Variants in PCDHGA4 observed in about 807,000 individuals in gnomAD.
The protein encoded by PCDHGA4 is protocadherin gamma subfamily A, 4, also known as protocadherin gamma-A4.
Under a neutral mutation model 54.6 loss-of-function variants are expected in PCDHGA4, and 38 were observed. The ratio of observed to expected loss-of-function variants is 0.70; its 90% CI spans 0.54 to 0.91. The LOEUF (loss-of-function observed/expected upper bound fraction) is 0.91, where lower values mean the gene tolerates loss of function less well. Ranked by LOEUF, PCDHGA4 falls within the 40% of genes least tolerant of loss-of-function variation. The probability of loss-of-function intolerance (pLI) is 0.00; values close to 1 mark genes in which losing one functional copy is unlikely to be tolerated. For missense variants in PCDHGA4, 1,298 were observed against 1,220.9 expected (o/e 1.06, Z -0.94); for synonymous variants, 511 against 512.9 (o/e 1.00, Z 0.05).
In PCDHGA4 at chr5:141,418,814, A is replaced by G. The variant is rs2096290321; in HGVS notation, c.2514+61193A>G. ...AGAAGTAGAAAGATATACGATAAACATAGAAGCAAAAGACCGAGGATCTCT... is the reference window on the plus strand; with the variant it reads ...AGAAGTAGAAAGATATACGATAAACGTAGAAGCAAAAGACCGAGGATCTCT... On this transcript the variant is annotated intron_variant, in intron 1 of 3. Transcript: ENST00000571252. The G allele has an allele frequency of 6.2e-7, 1 of 1,613,962 alleles. No individual in the cohort carries two copies.
intron 1 of PCDHGA4, chr5:141,396,409 A>C (rs2093377043): frequency 6.6e-6 from 1 of 152,270 alleles, no homozygotes; most frequent in Non-Finnish European, 1.5e-5. Context: ...ACCTGAGGTC[A>C]GGAGTTCAAG....
intron 1 of PCDHGA4, among the ~76,000 whole-genome samples, chr5:141,456,187 A>G (rs989106132): frequency 3.9e-5 from 6 of 152,084 alleles, no homozygotes; most frequent in African/African-American, 1.4e-4. Flanking sequence ...TAATTTCTTA[A>G]TAACTCCTAC....
chr5:141,362,075 G>T (rs533999436), intron 1 of PCDHGA4: 1 of 1,612,962 alleles, frequency 6.2e-7, no homozygotes, highest in Non-Finnish European at 8.5e-7. Flanking sequence ...GTCGCTGTGC[G>T]TGATGGAGGA....
At position 141,413,207 on chromosome 5, in the gene PCDHGA4, C is replaced by T. The variant is rs563279284; in HGVS notation, c.2514+55586C>T. The T allele has an allele frequency of 4.7e-5, 76 of 1,612,874 alleles. 2 individuals carry two copies. The South Asian group carries it at 7.6e-4, about 16-fold the overall frequency. ...GCTCAAAGGAATCGCTCAAAGGAAT[C>T]AAAGGATTGCAGCGGGCTGGTCCTG... On this transcript the variant is annotated intron_variant, in intron 1 of 3. Coordinates refer to ENST00000571252, the MANE Select transcript of PCDHGA4 (RefSeq NM_018917.4).
chr5:141,393,899 C>T, intron 1 of PCDHGA4: 1 of 1,613,932 alleles, frequency 6.2e-7, no homozygotes, highest in Non-Finnish European at 8.5e-7. Context: ...ATTCTCTTCC[C>T]GGGACAGTAA....
chr5:141,478,095 C>T, intron 1 of PCDHGA4: 5 of 1,614,100 alleles, frequency 3.1e-6, no homozygotes, highest in Non-Finnish European at 4.2e-6. Context: ...TCCACCACTG[C>T]TACCCTCACT....
intron 1 of PCDHGA4, among the ~76,000 whole-genome samples, chr5:141,438,872 G>T (rs13178044): frequency 0.11 from 16,734 of 151,118 alleles, 1,094 homozygotes; most frequent in African/African-American, 0.17. Flanking sequence ...CATCAAGTTG[G>T]CCAGGCTGCT....
At position 141,365,767 on chromosome 5, in the gene PCDHGA4, C is replaced by A. The variant is rs775369116; in HGVS notation, c.2514+8146C>A. 1.9e-6 allele frequency: 3 copies of A among 1,613,718 alleles called. No homozygotes were observed. The East Asian group carries it at 6.7e-5, about 36-fold the overall frequency. ...TCTTCTCTGTGACAGCCCATGACCC[C>A]GACAGCGGCGACAACGCTCGAGTCA... On this transcript the variant is annotated intron_variant, in intron 1 of 3. Transcript: ENST00000571252.
intron 1 of PCDHGA4, chr5:141,404,234 G>A (rs2094500908): frequency 6.2e-7 from 1 of 1,613,770 alleles, no homozygotes; most frequent in African/African-American, 1.3e-5. Context: ...AACAGACAGA[G>A]GAACTCCGCC....
At chr5:141,389,315 G>A (rs1257183989) in intron 1 of PCDHGA4, 2 of 1,613,866 alleles carry the variant, frequency 1.2e-6, no homozygotes, top group African/African-American at 1.3e-5. Flanking sequence ...CTTCTGATCC[G>A]GACTTGGGGC....
At chr5:141,447,861 G>A (rs2098553733) in intron 1 of PCDHGA4, among the ~76,000 whole-genome samples, 1 of 152,120 alleles carries the variant, frequency 6.6e-6, no homozygotes, top group Non-Finnish European at 1.5e-5. Flanking sequence ...CGAGGTGGGT[G>A]AATCATCTGA....
chr5:141,367,813 CTT>C (rs1205428294), intron 1 of PCDHGA4: 1 of 151,974 alleles, frequency 6.6e-6, no homozygotes, highest in African/African-American at 2.4e-5. Context: ...TAGATAAACC[CTT>C]TACTTATTAG....
chr5:141,370,216 C>A, intron 1 of PCDHGA4: 1 of 567,976 alleles, frequency 1.8e-6, no homozygotes, highest in Non-Finnish European at 3.0e-6. Context: ...TGGCTCCTCC[C>A]GCTGCAGCCA....
At chr5:141,429,445 G>C (rs2097215795) in intron 1 of PCDHGA4, among the ~76,000 whole-genome samples, 1 of 151,758 alleles carries the variant, frequency 6.6e-6, no homozygotes, top group Admixed American at 6.6e-5. Context: ...AAACTCTTGG[G>C]CTACAGTAAT....
intron 1 of PCDHGA4, chr5:141,392,226 A>C (rs1468453380): frequency 1.3e-5 from 2 of 152,228 alleles, no homozygotes; most frequent in Non-Finnish European, 2.9e-5. Flanking sequence ...GTGACAACTG[A>C]AGTTCTTAGT....
At chr5:141,375,991 C>G in intron 1 of PCDHGA4, 1 of 1,613,448 alleles carries the variant, frequency 6.2e-7, no homozygotes, top group Non-Finnish European at 8.5e-7. Context: ...TGGACAGAGA[C>G]GCGCTCAAGC....
At chr5:141,464,611 A>G (rs2099087451) in intron 1 of PCDHGA4, among the ~76,000 whole-genome samples, 3 of 152,194 alleles carry the variant, frequency 2.0e-5, no homozygotes, top group African/African-American at 7.2e-5. Context: ...TTTGCAGAGT[A>G]TATTGTCAAG....
intron 1 of PCDHGA4, chr5:141,404,679 A>G: frequency 6.2e-7 from 1 of 1,614,096 alleles, no homozygotes; most frequent in Admixed American, 1.7e-5. Flanking sequence ...ACTGGTGTGG[A>G]GCTGGCACCC....
chr5:141,422,472 G>A lies in PCDHGA4; in HGVS notation c.2514+64851G>A, dbSNP rs772474296. On this transcript the variant is annotated intron_variant, in intron 1 of 3. Transcript: ENST00000571252. ...CAAGCAGAGTGCTGGACAGGGAGTTGGTCCAGAGCTACAATATAACGTTGA... is the reference window on the plus strand; with the variant it reads ...CAAGCAGAGTGCTGGACAGGGAGTTAGTCCAGAGCTACAATATAACGTTGA... 75 of 1,613,562 alleles carry A rather than the reference G, an allele frequency of 4.6e-5. 3 individuals are homozygous for A. In the South Asian group the frequency reaches 8.1e-4, roughly 17 times the overall value.
Sources: allele counts gnomAD v4.1 joint callset (sites outside exome capture counted in the v4.1 genomes callset), GRCh38; gene constraint gnomAD v4.1.1; transcripts MANE v1.5; gene names NCBI Gene and HGNC (gene_info 2026-07-23, HGNC 2026-07-21).